Variants in CNTN4 observed in about 807,000 individuals in gnomAD.
CNTN4 encodes contactin 4.
In CNTN4, 77 loss-of-function variants were observed where a neutral mutation model predicts 122.5. That is an observed-to-expected ratio of 0.63 (90% CI 0.52 to 0.76). CNTN4 has a LOEUF of 0.76. Among genes scored for constraint, CNTN4 ranks in the 30% least tolerant of loss-of-function variants. The probability of loss-of-function intolerance (pLI) is 0.00; values close to 1 mark genes in which losing one functional copy is unlikely to be tolerated. For synonymous variants in CNTN4, 512 were observed against 447.0 expected (o/e 1.15, Z -1.83); for missense variants, 1,256 against 1,259.1 (o/e 1.00, Z 0.04).
intron 3 of CNTN4, among the ~76,000 whole-genome samples, chr3:2,478,510 C>A (rs2075894803): frequency 6.6e-6 from 1 of 151,454 alleles, no homozygotes; most frequent in Admixed American, 6.6e-5. Flanking sequence ...TGGTTTACTG[C>A]ACAGATCATC....
At chr3:2,270,210 A>G (rs1480763208) in intron 2 of CNTN4, among the ~76,000 whole-genome samples, 1 of 36,898 alleles carries the variant, frequency 2.7e-5, no homozygotes, top group East Asian at 8.1e-4. Flanking sequence ...CGGCCTCCCA[A>G]AGTGCTGGGA....
At chr3:2,333,082 G>A (rs2043802671) in intron 2 of CNTN4, among the ~76,000 whole-genome samples, 1 of 152,068 alleles carries the variant, frequency 6.6e-6, no homozygotes, top group African/African-American at 2.4e-5. Context: ...TCCTAATTAT[G>A]TTACATCAAG....
At chr3:2,668,527 G>C (rs1382498670) in intron 4 of CNTN4, among the ~76,000 whole-genome samples, 1 of 152,186 alleles carries the variant, frequency 6.6e-6, no homozygotes, top group East Asian at 1.9e-4. Flanking sequence ...ATACAATCAG[G>C]TCATCTGCAA....
chr3:2,743,338 C>T (rs974203802), intron 5 of CNTN4, among the ~76,000 whole-genome samples: 5 of 152,018 alleles, frequency 3.3e-5, no homozygotes, highest in Non-Finnish European at 7.4e-5. Flanking sequence ...TAGAATATAA[C>T]CTGGCTGTTC....
chr3:2,617,302 A>G (rs1051512299), intron 4 of CNTN4, among the ~76,000 whole-genome samples: 40 of 152,286 alleles, frequency 2.6e-4, no homozygotes, highest in African/African-American at 9.1e-4. Flanking sequence ...CAAGAAAAAA[A>G]CAACCCCATC....
intron 2 of CNTN4, among the ~76,000 whole-genome samples, chr3:2,126,495 T>C (rs754835527): frequency 3.3e-5 from 5 of 152,238 alleles, no homozygotes; most frequent in African/African-American, 4.8e-5. Flanking sequence ...TTAAGAAATA[T>C]TGATTTAATA....
intron 7 of CNTN4, among the ~76,000 whole-genome samples, chr3:2,844,141 T>A (rs2093414744): frequency 1.3e-5 from 2 of 152,310 alleles, no homozygotes; most frequent in African/African-American, 2.4e-5. Context: ...CCCAGATACC[T>A]CGTGGCTTGC....
At chr3:2,617,401 TG>T (rs1443629043) in intron 4 of CNTN4, among the ~76,000 whole-genome samples, 13 of 149,660 alleles carry the variant, frequency 8.7e-5, no homozygotes, top group African/African-American at 3.2e-4. Context: ...TCAACATCAC[TG>T]ATCTTTAGAG....
intron 13 of CNTN4, among the ~76,000 whole-genome samples, chr3:2,977,543 T>G (rs1468051477): frequency 1.3e-5 from 2 of 151,766 alleles, no homozygotes; most frequent in Non-Finnish European, 2.9e-5. Flanking sequence ...ATTGCAAGTC[T>G]CTGTTAGCTG....
At chr3:2,591,414 G>C (rs1194416070) in intron 4 of CNTN4, among the ~76,000 whole-genome samples, 1 of 90,032 alleles carries the variant, frequency 1.1e-5, no homozygotes, top group Non-Finnish European at 2.2e-5. Flanking sequence ...GCCCAGGCTG[G>C]AGTGCAGTGG....
chr3:2,712,914 A>G (rs532450722), intron 4 of CNTN4, among the ~76,000 whole-genome samples: 1 of 152,344 alleles, frequency 6.6e-6, no homozygotes, highest in South Asian at 2.1e-4. Flanking sequence ...GGCTCACCCA[A>G]GCAGGGCGTG....
chr3:2,275,745 C>T (rs2041479877), intron 2 of CNTN4, among the ~76,000 whole-genome samples: 1 of 151,564 alleles, frequency 6.6e-6, no homozygotes, highest in Admixed American at 6.6e-5. Flanking sequence ...CATGATGAAA[C>T]CCCGTTTCTA....
intron 2 of CNTN4, among the ~76,000 whole-genome samples, chr3:2,177,345 C>G (rs961137243): frequency 6.6e-6 from 1 of 151,968 alleles, no homozygotes; most frequent in African/African-American, 2.4e-5. Context: ...AACATTCTAC[C>G]TGGTTTCTCA....
chr3:2,782,770 G>A (rs1329553095), intron 6 of CNTN4, among the ~76,000 whole-genome samples: 2 of 152,102 alleles, frequency 1.3e-5, no homozygotes, highest in East Asian at 1.9e-4. Flanking sequence ...GCTATTTAAT[G>A]TATAACAAAA....
intron 13 of CNTN4, among the ~76,000 whole-genome samples, chr3:2,934,961 T>C (rs906691084): frequency 1.4e-5 from 2 of 144,342 alleles, no homozygotes; most frequent in African/African-American, 2.6e-5. Flanking sequence ...CTTCAGTTTG[T>C]CTCTCCTAGA....
intron 3 of CNTN4, among the ~76,000 whole-genome samples, chr3:2,501,594 A>G (rs1240447786): frequency 1.3e-5 from 2 of 152,088 alleles, no homozygotes; most frequent in Non-Finnish European, 2.9e-5. Context: ...CCATCTTCAA[A>G]TGTCACTCCC....
intron 2 of CNTN4, among the ~76,000 whole-genome samples, chr3:2,150,592 C>T (rs961299438): frequency 6.6e-6 from 1 of 152,172 alleles, no homozygotes; most frequent in Non-Finnish European, 1.5e-5. Context: ...TCAGCTTGCA[C>T]TTAATCATTT....
chr3:2,920,988 C>T (rs1332578849), intron 12 of CNTN4, among the ~76,000 whole-genome samples: 1 of 152,172 alleles, frequency 6.6e-6, no homozygotes, highest in South Asian at 2.1e-4. Context: ...AAATCATCTA[C>T]TTCAGAGTTG....
At chr3:2,131,385 G>A (rs754733034) in intron 2 of CNTN4, among the ~76,000 whole-genome samples, 13 of 152,194 alleles carry the variant, frequency 8.5e-5, no homozygotes, top group African/African-American at 1.4e-4. Context: ...AGGTGATGGA[G>A]TATCAGGCCC....
Sources: allele counts gnomAD v4.1 joint callset (sites outside exome capture counted in the v4.1 genomes callset), GRCh38; gene constraint gnomAD v4.1.1; transcripts MANE v1.5; gene names NCBI Gene and HGNC (gene_info 2026-07-23, HGNC 2026-07-21).